The following HARS1 variants were observed in gnomAD, a reference collection of about 807,000 sequenced individuals.
HARS1 encodes histidine--tRNA ligase, cytoplasmic.
A neutral mutation model predicts 63.6 loss-of-function variants in HARS1; 45 were observed. The observed-to-expected ratio is 0.71, with a 90% CI of 0.56 to 0.91. HARS1 has a LOEUF of 0.91. HARS1 is among the 40% of genes least tolerant of loss of function. HARS1 has a pLI of 0.00. For missense variants in HARS1, 508 were observed against 643.2 expected (o/e 0.79, Z 2.27); for synonymous variants, 205 against 247.1 (o/e 0.83, Z 1.60).
chr5:140,691,036 C>T, intron 1 of HARS1, 92 bp from the exon 2 acceptor site: 16 of 956,212 alleles, frequency 1.7e-5, no homozygotes, highest in Non-Finnish European at 2.7e-5. Flanking sequence ...TCACATCTCT[C>T]TGCTCAGGCC....
In HARS1 at chr5:140,679,310, C is replaced by A; in HGVS notation, c.397-183G>T. On this transcript the variant is annotated intron_variant, in intron 4 of 12. Transcript: ENST00000504156. This position sits in a 1 kb window ranked among gnomAD's most constrained non-coding sequence, Gnocchi z 4.3. ...CTACCACATGAGGTAGCTGAAGGCT[C>A]AAAAAAGATTAAGGCACCTTTCCCT... is the stretch of plus-strand genomic sequence containing the variant. 1.8e-6 allele frequency: 1 copy of A among 570,092 alleles called. No homozygotes were observed. 35.3% of individuals were successfully genotyped at this position (570,092 alleles called of 1,614,324 possible).
At chr5:140,685,243 C>G (rs1267600744) in intron 2 of HARS1, 1 of 150,324 alleles carries the variant, frequency 6.7e-6, no homozygotes, top group Non-Finnish European at 1.5e-5. Context: ...ATAGTCAAAT[C>G]CATAGAGACA....
rs1224828510 is a variant in HARS1, at chr5:140,691,256, G to T, written c.49C>A (p.Arg17Ser). The change falls in exon 1 of 13, where the codon CGC becomes AGC. Residue 17 changes from arginine to serine, a missense_variant. Coordinates refer to ENST00000504156, the MANE Select transcript of HARS1 (RefSeq NM_002109.6). ...TTCTGCTGCTTGAGGCCTCGCACGC[G>T]CTCTCCCTGAAGTTTCACCAGCTCC... ...LEELVKLQGE[R>S]VRGLKQQKAS... The T allele has an allele frequency of 6.2e-7, 1 of 1,608,224 alleles. No individual in the cohort carries two copies.
At chr5:140,674,953 C>A (rs1037905182) in intron 11 of HARS1, 64 bp downstream of exon 11, 6 of 1,483,008 alleles carry the variant, frequency 4.0e-6, no homozygotes, top group Non-Finnish European at 5.6e-6. Context: ...TATGGGTGAG[C>A]TTTTATTCAG....
At position 140,691,265 on chromosome 5, in the gene HARS1, G is replaced by T. The variant is rs117579809; in HGVS notation, c.40C>A (p.Gln14Lys). ...RAALEELVKLQGERVRGLKQQ... is the reference protein window; with the variant it reads ...RAALEELVKLKGERVRGLKQQ... Reference sequence around the variant, plus strand: ...TTGAGGCCTCGCACGCGCTCTCCCTGAAGTTTCACCAGCTCCTCCAGCGCC... The same window carrying T: ...TTGAGGCCTCGCACGCGCTCTCCCTTAAGTTTCACCAGCTCCTCCAGCGCC... Residue 14 changes from glutamine (Q) to lysine (K), a missense_variant, in exon 1 of 13, where the codon CAG becomes AAG. Physicochemically the swap from Gln to Lys is moderately conservative, Grantham distance 53 (BLOSUM62 1). Coordinates refer to ENST00000504156, the MANE Select transcript of HARS1 (RefSeq NM_002109.6). 535 of 1,608,640 alleles carry T rather than the reference G, an allele frequency of 3.3e-4. 3 individuals carry two copies. In the East Asian group the frequency reaches 9.8e-3, roughly 29 times the overall value.
intron 7 of HARS1, 82 bp downstream of exon 7, chr5:140,677,573 C>CCT (rs1361293269): frequency 1.9e-5 from 21 of 1,102,664 alleles, no homozygotes; most frequent in Non-Finnish European, 2.4e-5. Flanking sequence ...GAGGCATGCA[C>CCT]CTCTCTCTCT....
At chr5:140,685,316 G>A (rs891024330) in intron 2 of HARS1, 8 of 152,180 alleles carry the variant, frequency 5.3e-5, no homozygotes, top group African/African-American at 1.9e-4. Context: ...GGGAGTTATT[G>A]TTTAATGGGT....
Position 140,679,652 on chromosome 5 carries a change from C to T in HARS1, c.396+136G>A, listed in dbSNP as rs1758600738. On this transcript the variant is annotated intron_variant, in intron 4 of 12. Coordinates refer to ENST00000504156, the MANE Select transcript of HARS1 (RefSeq NM_002109.6). The surrounding 1 kb of genome is among the most constrained non-coding windows in gnomAD (Gnocchi z 4.3). ...TATGCTCTGTTTAGCCAAAGTTCCA[C>T]TCCTGGTTTAGAGAAATAATTCCCC... The T allele has an allele frequency of 1.8e-6, 1 of 569,478 alleles. No homozygotes were observed. The highest frequency in any genetic ancestry group is 2.4e-5 in the South Asian group (1 of 41,768). The allele number at this position is 569,478 out of a possible 1,614,324, so 35.3% of individuals were successfully genotyped here. A position where few individuals can be genotyped will look rare whatever the true frequency, so the allele number is the denominator to read the frequency against.
At position 140,675,049 on chromosome 5, in the gene HARS1, GC is replaced by G; in HGVS notation, c.1278del (p.Lys426AsnfsTer24). On this transcript the variant is annotated frameshift_variant, in exon 11 of 13. Coordinates refer to ENST00000504156, the MANE Select transcript of HARS1 (RefSeq NM_002109.6). LOFTEE classifies it high-confidence loss of function. Reference sequence around the variant, plus strand: ...CCAGCATCCCACAGTTCTGAGACAAGCTTTAGTCTTTCCTCTAGCAGCTTCT... The same window carrying G: ...CCAGCATCCCACAGTTCTGAGACAAGTTTAGTCTTTCCTCTAGCAGCTTCT... Reference protein sequence around the residue: ...AQKKLLEERLKLVSELWDAGI... With the variant: ...AQKKLLEERLXLVSELWDAGI... The G allele has an allele frequency of 6.2e-7, 1 of 1,612,708 alleles. No homozygotes were observed. The highest frequency in any genetic ancestry group is 8.5e-7 in the Non-Finnish European group (1 of 1,178,862).
Position 140,677,060 on chromosome 5 carries a change from G to C in HARS1, c.880C>G (p.Gln294Glu), listed in dbSNP as rs1379178692. 40 of 1,613,976 alleles carry C rather than the reference G, an allele frequency of 2.5e-5. No homozygotes were observed. Among genetic ancestry groups the C allele is most frequent in the Non-Finnish European group, 3.3e-5 (39 of 1,179,958 alleles). The change falls in exon 9 of 13, where the codon CAG becomes GAG. Residue 294 changes from glutamine (Q) to glutamate (E), a missense_variant. By Grantham distance (29) the Gln-to-Glu change is conservative. This residue lies in a region of HARS1 where 403 missense variants were observed against 548.7 expected (regional missense o/e 0.73). Coordinates refer to ENST00000504156, the MANE Select transcript of HARS1 (RefSeq NM_002109.6). ...LQDPKLSQNK[Q>E]ALEGLGDLKL... ...AGGTCTCCCAGGCCCTCCAAGGCCT[G>C]CTTGTTTTGGGATAGTTTAGGATCC...
chr5:140,686,309 G>A (rs968437832), intron 2 of HARS1, among the ~76,000 whole-genome samples: 11 of 151,708 alleles, frequency 7.3e-5, no homozygotes, highest in East Asian at 3.9e-4. Flanking sequence ...GCGTGTTCTC[G>A]GCTCACTGCA....
In HARS1 at chr5:140,677,680, C is replaced by G. The variant is rs1161488581; in HGVS notation, c.704G>C (p.Cys235Ser). ...GVSDSKFRTI[C>S]SSVDKLDKVS... ...CTTGTCCAGCTTGTCTACTGAGGAG[C>G]AGATGGTACGGAACTTGCTGTCAGA... Residue 235 changes from cysteine to serine, a missense_variant, in exon 7 of 13, where the codon TGC becomes TCC. Coordinates refer to ENST00000504156, the MANE Select transcript of HARS1 (RefSeq NM_002109.6). 1 of 1,610,626 alleles carries G rather than the reference C, an allele frequency of 6.2e-7. No homozygotes were observed. The highest frequency in any genetic ancestry group is 1.3e-5 in the African/African-American group (1 of 74,260).
Position 140,679,922 on chromosome 5 carries a change from C to A in HARS1, c.301-39G>T. 1 of 1,126,156 alleles carries A rather than the reference C, an allele frequency of 8.9e-7. No homozygotes were observed. Among genetic ancestry groups the A allele is most frequent in the Admixed American group, 1.9e-5 (1 of 53,680 alleles). 69.8% of individuals were successfully genotyped at this position (1,126,156 alleles called of 1,614,324 possible). On this transcript the variant is annotated intron_variant, in intron 3 of 12. Transcript: ENST00000504156. This position sits in a 1 kb window ranked among gnomAD's most constrained non-coding sequence, Gnocchi z 4.3. The stretch of plus-strand genomic sequence containing the variant: ...AAATAAATGTGGTCATAATAATAAA[C>A]ATAACAATTTAAAAGGAAGTTTTGA...
Position 140,679,970 on chromosome 5 carries a change from C to T in HARS1, c.301-87G>A, listed in dbSNP as rs1758621375. 1.4e-6 allele frequency: 1 copy of T among 700,626 alleles called. No homozygotes were observed. Among genetic ancestry groups the T allele is most frequent in the Non-Finnish European group, 2.5e-6 (1 of 399,852 alleles). 43.4% of individuals were successfully genotyped at this position (700,626 alleles called of 1,614,324 possible). A position where few individuals can be genotyped will look rare whatever the true frequency, so the allele number is the denominator to read the frequency against. On this transcript the variant is annotated intron_variant, in intron 3 of 12. Coordinates refer to ENST00000504156, the MANE Select transcript of HARS1 (RefSeq NM_002109.6). The surrounding 1 kb of genome is among the most constrained non-coding windows in gnomAD (Gnocchi z 4.3). ...TGAAAACAAACATGACTGATTCCAA[C>T]TTGTCTACATTTCCCTCTGCTCTTT...
chr5:140,682,909 C>T (rs1289506763), intron 3 of HARS1, 191 bp downstream of exon 3: 3 of 518,910 alleles, frequency 5.8e-6, no homozygotes, highest in Non-Finnish European at 1.0e-5. Flanking sequence ...ATCTGCTGGC[C>T]ACAACCAAGA....
At position 140,676,793 on chromosome 5, in the gene HARS1, A is replaced by T. The variant is rs1426833293; in HGVS notation, c.1055T>A (p.Leu352Gln). The change falls in exon 10 of 13, where the codon CTG becomes CAG. Residue 352 changes from leucine (L) to glutamine (Q), a missense_variant. By Grantham distance (113) the Leu-to-Gln change is moderately radical. This residue lies in a region of HARS1 where 403 missense variants were observed against 548.7 expected (regional missense o/e 0.73). Transcript: ENST00000504156. This position sits in a 1 kb window ranked among gnomAD's most constrained non-coding sequence, Gnocchi z 4.1. ...TCCAGCAGCCACACTGCCCACACCC[A>T]GGGGCTCTTCCCCTGCCTGGGCTGG... is the stretch of plus-strand genomic sequence containing the variant. Reference protein sequence around the residue: ...QTPAQAGEEPLGVGSVAAGGR... With the variant: ...QTPAQAGEEPQGVGSVAAGGR... 18 of 1,614,206 alleles carry T rather than the reference A, an allele frequency of 1.1e-5. No individual in the cohort carries two copies. Among genetic ancestry groups the T allele is most frequent in the Non-Finnish European group, 1.5e-5 (18 of 1,180,034 alleles).
At chr5:140,681,301 G>A (rs1758717415) in intron 3 of HARS1, among the ~76,000 whole-genome samples, 2 of 152,168 alleles carry the variant, frequency 1.3e-5, no homozygotes, top group Non-Finnish European at 2.9e-5. Context: ...AGGTCTCCAA[G>A]TTGGGCTCTG....
In HARS1 at chr5:140,690,977, T is replaced by C. The variant is rs1581532357; in HGVS notation, c.91-33A>G. 3 of 1,207,824 alleles carry C rather than the reference T, an allele frequency of 2.5e-6. No homozygotes were observed. The East Asian group carries it at 7.0e-5, about 28-fold the overall frequency. 74.8% of individuals were successfully genotyped at this position (1,207,824 alleles called of 1,614,324 possible). ...GGGAAAGAAGGCGCTGAGCTATCCATCTGTCACTCTCCTCCCTCCCCCGCC... is the reference window on the plus strand; with the variant it reads ...GGGAAAGAAGGCGCTGAGCTATCCACCTGTCACTCTCCTCCCTCCCCCGCC... On this transcript the variant is annotated intron_variant, in intron 1 of 12. Transcript: ENST00000504156.
In HARS1 at chr5:140,679,289, C is replaced by A; in HGVS notation, c.397-162G>T. On this transcript the variant is annotated intron_variant, in intron 4 of 12. Coordinates refer to ENST00000504156, the MANE Select transcript of HARS1 (RefSeq NM_002109.6). This position sits in a 1 kb window ranked among gnomAD's most constrained non-coding sequence, Gnocchi z 4.3. ...CATCAGAAAGCATCAGCTGTGCTACCACATGAGGTAGCTGAAGGCTCAAAA... is the reference window on the plus strand; with the variant it reads ...CATCAGAAAGCATCAGCTGTGCTACAACATGAGGTAGCTGAAGGCTCAAAA... 1 of 646,678 alleles carries A rather than the reference C, an allele frequency of 1.5e-6. No homozygotes were observed. Among genetic ancestry groups the A allele is most frequent in the East Asian group, 2.8e-5 (1 of 35,492 alleles). The allele number at this position is 646,678 out of a possible 1,614,324, so 40.1% of individuals were successfully genotyped here.
Sources: allele counts gnomAD v4.1 joint callset (sites outside exome capture counted in the v4.1 genomes callset), GRCh38; gene constraint gnomAD v4.1.1; regional missense constraint gnomAD v4.1.1; non-coding constraint Gnocchi (gnomAD v3.1); transcripts MANE v1.5; gene names NCBI Gene and HGNC (gene_info 2026-07-23, HGNC 2026-07-21).